Variants in SULF2 observed in about 807,000 individuals in gnomAD.
SULF2 encodes sulfatase 2.
A neutral mutation model predicts 107.7 loss-of-function variants in SULF2; 52 were observed. The ratio of observed to expected loss-of-function variants is 0.48; its 90% CI spans 0.39 to 0.61. The LOEUF (loss-of-function observed/expected upper bound fraction) is 0.61, where lower values mean the gene tolerates loss of function less well. Ranked by LOEUF, SULF2 falls within the 20% of genes least tolerant of loss-of-function variation. The pLI, the probability that SULF2 is intolerant of heterozygous loss-of-function variation, is 0.00. For synonymous variants in SULF2, 460 were observed against 464.3 expected (o/e 0.99, Z 0.12); for missense variants, 993 against 1,177.3 (o/e 0.84, Z 2.29).
chr20:47,736,583 A>T, intron 3 of SULF2, 120 bp downstream of exon 3: 1 of 1,309,752 alleles, frequency 7.6e-7, no homozygotes, highest in Non-Finnish European at 1.0e-6. Context: ...AAATTATAAG[A>T]GAGTTGCTCT....
chr20:47,784,015 G>A (rs1387920154), intron 1 of SULF2, among the ~76,000 whole-genome samples: 3 of 152,166 alleles, frequency 2.0e-5, no homozygotes, highest in Non-Finnish European at 2.9e-5. Context: ...TCTGTAATGG[G>A]AGGCAGAGGC....
At chr20:47,764,947 A>T (rs940862981) in intron 1 of SULF2, among the ~76,000 whole-genome samples, 5 of 152,186 alleles carry the variant, frequency 3.3e-5, no homozygotes, top group African/African-American at 9.7e-5. Flanking sequence ...GACAAGGAAG[A>T]TAAGGCACGG....
chr20:47,757,131 T>C (rs766782861), intron 2 of SULF2, 58 bp downstream of exon 2: 169 of 1,458,514 alleles, frequency 1.2e-4, no homozygotes, highest in Non-Finnish European at 1.4e-4. Context: ...AGCCTCAGCC[T>C]AACCCAGGGA....
In SULF2 at chr20:47,737,803, C is replaced by T. The variant is rs2089781150; in HGVS notation, c.176-861G>A. 3.4e-5 allele frequency among the ~76,000 whole-genome samples: 4 copies of T among 116,442 alleles called. No individual in the cohort carries two copies. In the South Asian group the frequency reaches 1.2e-3, roughly 33 times the overall value. The allele number at this position is 116,442 out of a possible 152,430, so 76.4% of individuals were successfully genotyped here. On this transcript the variant is annotated intron_variant, in intron 2 of 20. Transcript: ENST00000688720. The stretch of plus-strand genomic sequence containing the variant: ...TTTGAGACAGAGTCTTGCTCTGTTG[C>T]CCAGGCTGGAGTGCAGTGGTGTGAT...
intron 5 of SULF2, among the ~76,000 whole-genome samples, chr20:47,687,320 C>T (rs181170213): frequency 1.2e-3 from 188 of 152,288 alleles, no homozygotes; most frequent in Non-Finnish European, 2.2e-3. Context: ...GGGAGGATGT[C>T]GGCATCTTCC....
intron 2 of SULF2, among the ~76,000 whole-genome samples, chr20:47,749,315 T>C (rs902260489): frequency 6.6e-6 from 1 of 152,236 alleles, no homozygotes; most frequent in Non-Finnish European, 1.5e-5. Flanking sequence ...CCTGATACAC[T>C]TAACTTCCAG....
chr20:47,752,016 T>A (rs2090167689), intron 2 of SULF2, among the ~76,000 whole-genome samples: 1 of 152,096 alleles, frequency 6.6e-6, no homozygotes, highest in Non-Finnish European at 1.5e-5. Flanking sequence ...CCTGGCAGAG[T>A]GGGTGCCAGC....
intron 2 of SULF2, among the ~76,000 whole-genome samples, chr20:47,737,755 G>GTTTTTTTTTTTCTTTTTTTTTTTT (rs2089776576): frequency 1.6e-5 from 1 of 61,834 alleles, no homozygotes; most frequent in African/African-American, 6.3e-5. Flanking sequence ...TCTTTTCTTT[G>GTTTTTTTTTTTCTTTTTTTTTTTT]TTTTTTTTTT....
At chr20:47,777,441 A>T (rs1301846872) in intron 1 of SULF2, among the ~76,000 whole-genome samples, 1 of 152,224 alleles carries the variant, frequency 6.6e-6, no homozygotes, top group Non-Finnish European at 1.5e-5. Flanking sequence ...TGAGACTATG[A>T]GGCAACAAGG....
At chr20:47,736,565 CA>C in intron 3 of SULF2, 137 bp downstream of exon 3, 2 of 1,222,340 alleles carry the variant, frequency 1.6e-6, no homozygotes, top group South Asian at 3.1e-5. Context: ...AATAAATGCA[CA>C]ACTCTGAAAT....
intron 3 of SULF2, among the ~76,000 whole-genome samples, chr20:47,711,995 T>C (rs191389636): frequency 9.2e-5 from 14 of 152,336 alleles, no homozygotes; most frequent in African/African-American, 3.4e-4. Context: ...CATATGTACA[T>C]ATACACGATG....
At position 47,665,166 on chromosome 20, in the gene SULF2, G is replaced by A. The variant is rs751273108; in HGVS notation, c.1997+33C>T. 8 of 1,380,348 alleles carry A rather than the reference G, an allele frequency of 5.8e-6. No homozygotes were observed. The Admixed American group carries it at 8.4e-5, about 14-fold the overall frequency. The allele number at this position is 1,380,348 out of a possible 1,614,324, so 85.5% of individuals were successfully genotyped here. The stretch of plus-strand genomic sequence containing the variant: ...ACTGAACTGTCCTGTAGGAGAGTGG[G>A]GTCTTAGGGAGGTCCCTTTGCTACT... On this transcript the variant is annotated intron_variant, in intron 14 of 20. Transcript: ENST00000688720.
At chr20:47,698,648 T>C (rs145522241) in intron 4 of SULF2, among the ~76,000 whole-genome samples, 2 of 152,268 alleles carry the variant, frequency 1.3e-5, no homozygotes, top group South Asian at 2.1e-4. Context: ...TTCAGTTAAA[T>C]AGGTGAATAT....
At chr20:47,719,959 TTTTTG>T (rs1054265153) in intron 3 of SULF2, among the ~76,000 whole-genome samples, 1 of 152,194 alleles carries the variant, frequency 6.6e-6, no homozygotes, top group Admixed American at 6.5e-5. Context: ...CTTTTTCAAA[TTTTTG>T]TTTTATTTTT....
chr20:47,784,498 C>T (rs1568940477), intron 1 of SULF2, among the ~76,000 whole-genome samples: 1 of 151,884 alleles, frequency 6.6e-6, no homozygotes, highest in East Asian at 1.9e-4. Context: ...CGGACCGAGG[C>T]CAGTGTGCAA....
chr20:47,699,040 A>G (rs1321838256), intron 4 of SULF2, among the ~76,000 whole-genome samples: 1 of 152,172 alleles, frequency 6.6e-6, no homozygotes, highest in Non-Finnish European at 1.5e-5. Context: ...TCAAAAAACA[A>G]AACAAAACTG....
intron 1 of SULF2, among the ~76,000 whole-genome samples, chr20:47,762,526 G>A (rs1017883851): frequency 1.3e-5 from 2 of 152,220 alleles, no homozygotes; most frequent in East Asian, 3.8e-4. Flanking sequence ...TGGGTAAGTG[G>A]CAGAGAAGGG....
chr20:47,677,500 C>T (rs560000805), intron 8 of SULF2, among the ~76,000 whole-genome samples: 95 of 152,228 alleles, frequency 6.2e-4, no homozygotes, highest in African/African-American at 2.1e-3. Flanking sequence ...AGCTCTATCT[C>T]GAGTTCAGCG....
At chr20:47,782,219 G>T (rs889943285) in intron 1 of SULF2, among the ~76,000 whole-genome samples, 5 of 152,132 alleles carry the variant, frequency 3.3e-5, no homozygotes, top group African/African-American at 9.7e-5. Flanking sequence ...ATTCACTGCT[G>T]GATCTGTACC....
Sources: allele counts gnomAD v4.1 joint callset (sites outside exome capture counted in the v4.1 genomes callset), GRCh38; gene constraint gnomAD v4.1.1; transcripts MANE v1.5; gene names NCBI Gene and HGNC (gene_info 2026-07-23, HGNC 2026-07-21).